The following UXS1 variants were observed in gnomAD, a reference collection of about 807,000 sequenced individuals.
UXS1 encodes UDP-glucuronate decarboxylase 1.
A neutral mutation model predicts 62.6 loss-of-function variants in UXS1; 33 were observed. The observed-to-expected ratio is 0.53, with a 90% CI of 0.40 to 0.70. The LOEUF (loss-of-function observed/expected upper bound fraction) is 0.70. Ranked by LOEUF, UXS1 falls within the 30% of genes least tolerant of loss-of-function variation. The pLI is 0.00. For missense variants in UXS1, 434 were observed against 556.3 expected, an observed-to-expected ratio of 0.78 and a Z score of 2.21; for synonymous variants, 213 against 206.8, an observed-to-expected ratio of 1.03 and a Z score of -0.26.
intron 6 of UXS1, among the ~76,000 whole-genome samples, chr2:106,130,706 T>C (rs1573472903): frequency 6.6e-6 from 1 of 152,112 alleles, no homozygotes; most frequent in East Asian, 1.9e-4. Context: ...GTGCCGGGAA[T>C]GGAAGAGCTG....
chr2:106,145,040 G>A (rs989455588), intron 6 of UXS1, 150 bp downstream of exon 6: 31 of 827,638 alleles, frequency 3.7e-5, no homozygotes, highest in Non-Finnish European at 4.4e-5. Context: ...AGACTAGGAC[G>A]GCACCTCATA....
chr2:106,176,928 C>A (rs1251765239), intron 1 of UXS1, among the ~76,000 whole-genome samples: 1 of 152,136 alleles, frequency 6.6e-6, no homozygotes, highest in African/African-American at 2.4e-5. Flanking sequence ...CTCTGAAATC[C>A]AGCTATAAAA....
chr2:106,148,035 T>G (rs1281115854), intron 5 of UXS1, among the ~76,000 whole-genome samples: 1 of 152,216 alleles, frequency 6.6e-6, no homozygotes, highest in Non-Finnish European at 1.5e-5. Flanking sequence ...AAATCCCCTT[T>G]GCCTTCAAGA....
chr2:106,098,421 T>A (rs1235654492), intron 13 of UXS1, among the ~76,000 whole-genome samples: 1 of 152,208 alleles, frequency 6.6e-6, no homozygotes, highest in Non-Finnish European at 1.5e-5. Context: ...AATCCAATAG[T>A]TGTCACCCAT....
intron 5 of UXS1, among the ~76,000 whole-genome samples, chr2:106,149,608 C>A (rs1278946855): frequency 1.3e-5 from 2 of 152,158 alleles, no homozygotes; most frequent in South Asian, 2.1e-4. Flanking sequence ...GACTCCCCAG[C>A]CTCCAGAACC....
At chr2:106,121,158 T>C (rs1422080557) in intron 9 of UXS1, among the ~76,000 whole-genome samples, 1 of 152,122 alleles carries the variant, frequency 6.6e-6, no homozygotes, top group Admixed American at 6.5e-5. Flanking sequence ...GAACAGTACC[T>C]AGCATACAGT....
chr2:106,144,808 T>C (rs905604060), intron 6 of UXS1, among the ~76,000 whole-genome samples: 16 of 152,176 alleles, frequency 1.1e-4, no homozygotes, highest in Admixed American at 2.0e-4. Flanking sequence ...GTGACGACTC[T>C]GTCTCCATGA....
chr2:106,121,515 C>T (rs1679516921), intron 9 of UXS1, among the ~76,000 whole-genome samples: 2 of 152,110 alleles, frequency 1.3e-5, no homozygotes, highest in African/African-American at 2.4e-5. Context: ...ATGATGTACC[C>T]CTGACACTCT....
At chr2:106,127,084 T>C (rs1489469942) in intron 7 of UXS1, among the ~76,000 whole-genome samples, 2 of 152,224 alleles carry the variant, frequency 1.3e-5, no homozygotes, top group African/African-American at 4.8e-5. Context: ...TCCTTCCTAA[T>C]CTATTGCTGT....
At chr2:106,154,753 A>G (rs1266250552) in intron 5 of UXS1, among the ~76,000 whole-genome samples, 1 of 152,224 alleles carries the variant, frequency 6.6e-6, no homozygotes, top group African/African-American at 2.4e-5. Flanking sequence ...ATGACTTGTC[A>G]CATGTAAGGG....
At chr2:106,170,936 G>A (rs945810097) in intron 1 of UXS1, among the ~76,000 whole-genome samples, 1 of 152,192 alleles carries the variant, frequency 6.6e-6, no homozygotes, top group Non-Finnish European at 1.5e-5. Flanking sequence ...ACAAATATTT[G>A]AACTGAATTA....
chr2:106,158,843 T>C (rs1336864732), intron 4 of UXS1, among the ~76,000 whole-genome samples: 2 of 152,228 alleles, frequency 1.3e-5, no homozygotes, highest in African/African-American at 2.4e-5. Context: ...ACATCACTAT[T>C]GTGAATCCTA....
intron 6 of UXS1, among the ~76,000 whole-genome samples, chr2:106,142,344 T>C (rs577265748): frequency 6.6e-6 from 1 of 152,376 alleles, no homozygotes; most frequent in African/African-American, 2.4e-5. Context: ...TTATCAAATA[T>C]ATAAACAAGA....
chr2:106,192,071 A>T lies in UXS1; in HGVS notation c.94+2077T>A, dbSNP rs78346979. Among the ~76,000 whole-genome samples the T allele has an allele frequency of 2.9e-3, 440 of 152,068 alleles. 10 individuals are homozygous for T. In the East Asian group the frequency reaches 0.067, roughly 23 times the overall value. On this transcript the variant is annotated intron_variant, in intron 1 of 14. Transcript: ENST00000283148. ...GGGAGACAAGCAGTCTGTGTTTTTTAAAAAAAACCCTACTGATTCTGATGC... is the reference window on the plus strand; with the variant it reads ...GGGAGACAAGCAGTCTGTGTTTTTTTAAAAAAACCCTACTGATTCTGATGC...
chr2:106,167,620 C>A (rs1683290208), intron 1 of UXS1, among the ~76,000 whole-genome samples: 1 of 152,028 alleles, frequency 6.6e-6, no homozygotes, highest in Non-Finnish European at 1.5e-5. Flanking sequence ...AAAAAAAAGA[C>A]AGCAATATAT....
intron 1 of UXS1, among the ~76,000 whole-genome samples, chr2:106,176,801 T>C (rs1683909721): frequency 6.6e-6 from 1 of 152,254 alleles, no homozygotes; most frequent in Non-Finnish European, 1.5e-5. Context: ...GGGCGCTTGC[T>C]TATCAGACCT....
At chr2:106,099,394 A>T (rs532138663) in intron 12 of UXS1, among the ~76,000 whole-genome samples, 2 of 152,288 alleles carry the variant, frequency 1.3e-5, no homozygotes, top group South Asian at 4.1e-4. Flanking sequence ...TGCCCTCATC[A>T]TAAGAGACCA....
At chr2:106,178,232 G>A (rs903273356) in intron 1 of UXS1, among the ~76,000 whole-genome samples, 6 of 152,254 alleles carry the variant, frequency 3.9e-5, no homozygotes, top group South Asian at 2.1e-4. Context: ...CCATCCCCAC[G>A]TGGCACTTCT....
At chr2:106,128,091 G>A (rs994039901) in intron 7 of UXS1, among the ~76,000 whole-genome samples, 11 of 152,116 alleles carry the variant, frequency 7.2e-5, no homozygotes, top group Admixed American at 5.9e-4. Flanking sequence ...AAGAATAAAC[G>A]GAATCTCCCT....
Sources: allele counts gnomAD v4.1 joint callset (sites outside exome capture counted in the v4.1 genomes callset), GRCh38; gene constraint gnomAD v4.1.1; transcripts MANE v1.5; gene names NCBI Gene and HGNC (gene_info 2026-07-23, HGNC 2026-07-21).